The following PRICKLE1 variants were observed in gnomAD, a reference collection of about 807,000 sequenced individuals.
PRICKLE1 encodes the protein prickle planar cell polarity protein 1, also known as prickle-like protein 1.
Under a neutral mutation model 70.2 loss-of-function variants are expected in PRICKLE1, and 14 were observed. That is an observed-to-expected ratio of 0.20 (90% CI 0.13 to 0.31). The LOEUF is 0.31. Among genes scored for constraint, PRICKLE1 ranks in the 10% least tolerant of loss-of-function variants. The probability of loss-of-function intolerance (pLI) is 1.00; values close to 1 mark genes in which losing one functional copy is unlikely to be tolerated. For synonymous variants in PRICKLE1, 357 were observed against 379.9 expected (o/e 0.94, Z 0.70); for missense variants, 821 against 1,026.2 (o/e 0.80, Z 2.73).
At chr12:42,533,757 G>A (rs1939966734) in intron 1 of PRICKLE1, among the ~76,000 whole-genome samples, 1 of 151,930 alleles carries the variant, frequency 6.6e-6, no homozygotes, top group Admixed American at 6.6e-5. Flanking sequence ...ACTCTGAAAA[G>A]TAAAACAAAA....
At chr12:42,525,095 C>G (rs1939779350) in intron 1 of PRICKLE1, 1 of 152,152 alleles carries the variant, frequency 6.6e-6, no homozygotes, top group Admixed American at 6.6e-5. Context: ...GAGCCACACT[C>G]CCCAGCCACT....
At chr12:42,492,707 G>A (rs1939127901) in intron 1 of PRICKLE1, among the ~76,000 whole-genome samples, 2 of 152,226 alleles carry the variant, frequency 1.3e-5, no homozygotes, top group Non-Finnish European at 1.5e-5. Context: ...CGCAGCTCTA[G>A]TAAGTAACTG....
intron 1 of PRICKLE1, among the ~76,000 whole-genome samples, chr12:42,476,860 G>C (rs914155716): frequency 2.7e-5 from 4 of 150,002 alleles, no homozygotes; most frequent in African/African-American, 9.8e-5. Flanking sequence ...ATGTTGCCCA[G>C]GCTGGTCTCA....
intron 1 of PRICKLE1, among the ~76,000 whole-genome samples, chr12:42,588,789 G>A (rs1049448218): frequency 2.0e-5 from 3 of 152,268 alleles, no homozygotes; most frequent in South Asian, 4.1e-4. Flanking sequence ...TGGCGATGCC[G>A]TTTGTTTTTC....
intron 1 of PRICKLE1, among the ~76,000 whole-genome samples, chr12:42,501,522 A>G (rs1455519134): frequency 7.1e-6 from 1 of 140,852 alleles, no homozygotes; most frequent in African/African-American, 2.8e-5. Context: ...AAAAAAAAAA[A>G]AAAAAAAAGA....
At chr12:42,485,963 T>A (rs1017203980) in intron 1 of PRICKLE1, among the ~76,000 whole-genome samples, 2 of 152,234 alleles carry the variant, frequency 1.3e-5, no homozygotes, top group Non-Finnish European at 2.9e-5. Flanking sequence ...AAACAGACTT[T>A]AGTCTGGTCT....
chr12:42,545,861 A>AT (rs1215678998), intron 1 of PRICKLE1, among the ~76,000 whole-genome samples: 8 of 142,276 alleles, frequency 5.6e-5, no homozygotes, highest in Admixed American at 5.5e-4. Context: ...AAAAAGAAAA[A>AT]AAAAAAATAT....
intron 1 of PRICKLE1, among the ~76,000 whole-genome samples, chr12:42,488,469 T>C (rs1393006412): frequency 1.3e-5 from 2 of 152,236 alleles, no homozygotes; most frequent in African/African-American, 4.8e-5. Flanking sequence ...CAGGAAATGT[T>C]TGTTACTTTT....
rs758094682 is a variant in PRICKLE1, at chr12:42,459,978, CCTT to C, written c.2324_2326del (p.Glu775del). The C allele has an allele frequency of 7.4e-6, 12 of 1,613,980 alleles. No individual in the cohort carries two copies. The highest frequency in any genetic ancestry group is 4.5e-5 in the East Asian group (2 of 44,882). On this transcript the variant is annotated inframe_deletion, in exon 8 of 8. Coordinates refer to ENST00000345127, the MANE Select transcript of PRICKLE1 (RefSeq NM_153026.3). ...AGGGATTGGTTGTCCAAGAAAATAT[CCTT>C]CTTCTTCCGAGTCGGAAGAGGAGGA...
At position 42,465,138 on chromosome 12, in the gene PRICKLE1, T is replaced by C; in HGVS notation, c.896A>G (p.Gln299Arg). The change falls in exon 7 of 8, where the codon CAG becomes CGG. Residue 299 changes from glutamine (Q) to arginine (R), a missense_variant. Coordinates refer to ENST00000345127, the MANE Select transcript of PRICKLE1 (RefSeq NM_153026.3). ...ACTGCACGTTTTTGAGCAGTAAATC[T>C]GACCCTGTTTGGGAAGGAAGGGACA... ...LGCPFLPKQG[Q>R]IYCSKTCSLG... 1 of 1,582,472 alleles carries C rather than the reference T, an allele frequency of 6.3e-7. No homozygotes were observed. The highest frequency in any genetic ancestry group is 1.2e-5 in the South Asian group (1 of 84,278).
intron 1 of PRICKLE1, among the ~76,000 whole-genome samples, chr12:42,514,931 AT>A (rs1939580890): frequency 6.9e-6 from 1 of 145,634 alleles, no homozygotes; most frequent in African/African-American, 2.5e-5. Flanking sequence ...CTATCTATCT[AT>A]CTATCTATAT....
chr12:42,522,042 C>G (rs1939719494), intron 1 of PRICKLE1, among the ~76,000 whole-genome samples: 1 of 150,308 alleles, frequency 6.7e-6, no homozygotes, highest in Non-Finnish European at 1.5e-5. Flanking sequence ...GTGGCACGAT[C>G]TCGGCTCACT....
At chr12:42,495,350 T>C (rs1180456621) in intron 1 of PRICKLE1, among the ~76,000 whole-genome samples, 5 of 138,600 alleles carry the variant, frequency 3.6e-5, no homozygotes, top group African/African-American at 1.4e-4. Flanking sequence ...CCACATACTC[T>C]AGCCTAAGTG....
chr12:42,500,511 G>A (rs1939287447), intron 1 of PRICKLE1, among the ~76,000 whole-genome samples: 1 of 152,124 alleles, frequency 6.6e-6, no homozygotes, highest in South Asian at 2.1e-4. Flanking sequence ...CATGAGCATG[G>A]TTCAGTTGTT....
intron 1 of PRICKLE1, among the ~76,000 whole-genome samples, chr12:42,583,801 A>G (rs1011608583): frequency 1.3e-5 from 2 of 152,210 alleles, no homozygotes; most frequent in Admixed American, 6.5e-5. Context: ...TTCTGCCAGG[A>G]TTGAAAGAGC....
rs538655033 is a variant in PRICKLE1, at chr12:42,462,854, T to A, written c.1639+1541A>T. Among the ~76,000 whole-genome samples, 33 of 152,382 alleles carry A rather than the reference T, an allele frequency of 2.2e-4. 1 individual carries two copies. The highest frequency in any genetic ancestry group is 7.0e-4 in the African/African-American group (29 of 41,594). On this transcript the variant is annotated intron_variant, in intron 7 of 7. Transcript: ENST00000345127. The stretch of plus-strand genomic sequence containing the variant: ...GACTTGTTGCAAATAATTTGCATAA[T>A]GTCCTAGGTTCTAGGCCTAATCTTG...
chr12:42,566,543 G>A (rs1940623784), intron 1 of PRICKLE1, among the ~76,000 whole-genome samples: 1 of 152,168 alleles, frequency 6.6e-6, no homozygotes, highest in African/African-American at 2.4e-5. Context: ...TTCAATAACT[G>A]TGTGACCACA....
intron 1 of PRICKLE1, among the ~76,000 whole-genome samples, chr12:42,482,550 C>T (rs540227625): frequency 1.1e-4 from 16 of 152,320 alleles, no homozygotes; most frequent in South Asian, 8.3e-4. Flanking sequence ...ACTCAGGTTT[C>T]GCCCCGTCAC....
In PRICKLE1 at chr12:42,468,646, G is replaced by A. The variant is rs2140113478; in HGVS notation, c.568C>T (p.Arg190Trp). 2 of 1,613,964 alleles carry A rather than the reference G, an allele frequency of 1.2e-6. No homozygotes were observed. The highest frequency in any genetic ancestry group is 8.5e-7 in the Non-Finnish European group (1 of 1,179,934). The part of the protein sequence containing the change: ...GRHHAELLKP[R>W]CSACDEIIFA... ...TTTACCTCGTCACATGCTGAGCACC[G>A]TGGTTTGAGCAGTTCTGCATGGTGC... Residue 190 changes from arginine to tryptophan, a missense_variant, in exon 5 of 8, where the codon CGG becomes TGG. Arg to Trp is a moderately radical substitution (Grantham distance 101). Transcript: ENST00000345127.
Sources: allele counts gnomAD v4.1 joint callset (sites outside exome capture counted in the v4.1 genomes callset), GRCh38; gene constraint gnomAD v4.1.1; transcripts MANE v1.5; gene names NCBI Gene and HGNC (gene_info 2026-07-23, HGNC 2026-07-21).